Variants in FAM228B observed in about 807,000 individuals in gnomAD.
FAM228B encodes the protein family with sequence similarity 228 member B, also known as protein FAM228B.
FAM228B carries 38 observed loss-of-function variants against 42.6 expected under a neutral mutation model. That is an observed-to-expected ratio of 0.89 (90% CI 0.69 to 1.17). FAM228B has a LOEUF of 1.17. FAM228B is among the 50% of genes most tolerant of loss of function. The pLI is 0.00. For synonymous variants in FAM228B, 109 were observed against 122.3 expected, an observed-to-expected ratio of 0.89 and a Z score of 0.72; for missense variants, 344 against 367.3, an observed-to-expected ratio of 0.94 and a Z score of 0.52.
rs760901867 is a variant in FAM228B, at chr2:24,138,023, A to G, written c.283A>G (p.Lys95Glu). The G allele has an allele frequency of 5.2e-6, 8 of 1,547,684 alleles. No individual in the cohort carries two copies. The South Asian group carries it at 8.5e-5, about 16-fold the overall frequency. Residue 95 changes from lysine (K) to glutamate (E), a missense_variant, in exon 4 of 11, where the codon AAA becomes GAA. Coordinates refer to ENST00000615575, the MANE Select transcript of FAM228B (RefSeq NM_001145710.2). Reference protein sequence around the residue: ...ADPLQKKIIEKVCSHKKIKKR... With the variant: ...ADPLQKKIIEEVCSHKKIKKR... ...TCCTCTTCAGAAGAAAATTATAGAA[A>G]AAGTTTGCTCACATAAGAAGATTAA...
chr2:24,151,186 T>C (rs1309804098), intron 7 of FAM228B, among the ~76,000 whole-genome samples: 1 of 152,170 alleles, frequency 6.6e-6, no homozygotes, highest in Non-Finnish European at 1.5e-5. Flanking sequence ...ACTAATACAT[T>C]TTTCTGTTTG....
In FAM228B at chr2:24,117,269, G is replaced by T. The variant is rs1008113817; in HGVS notation, c.-120-17850G>T. Among the ~76,000 whole-genome samples the T allele has an allele frequency of 2.6e-5, 4 of 151,974 alleles. No homozygotes were observed. In the South Asian group the frequency reaches 8.3e-4, roughly 32 times the overall value. The stretch of plus-strand genomic sequence containing the variant: ...GTCGTCAAATGATCTACCCACCTTG[G>T]CCTCCCAAAGTGGTGGGATTACAGG... On this transcript the variant is annotated intron_variant, in intron 3 of 10. Transcript: ENST00000613899.
chr2:24,082,655 C>T (rs531163418), intron 2 of FAM228B, among the ~76,000 whole-genome samples: 11 of 152,178 alleles, frequency 7.2e-5, no homozygotes, highest in Non-Finnish European at 1.0e-4. Flanking sequence ...GCTGGGCGTC[C>T]GGTGTTAACA....
upstream of FAM228B, chr2:24,122,371 G>T: frequency 2.9e-4 from 350 of 1,198,884 alleles, no homozygotes; most frequent in Non-Finnish European, 3.8e-4. Context: ...TGGAAGAATA[G>T]AAATAATAAG....
chr2:24,147,719 C>T (rs1205452502), intron 7 of FAM228B, among the ~76,000 whole-genome samples: 3 of 152,100 alleles, frequency 2.0e-5, no homozygotes, highest in African/African-American at 7.2e-5. Context: ...TCTAGCATTA[C>T]CATTTGAATT....
chr2:24,108,974 A>T (rs1665745095), intron 3 of FAM228B, among the ~76,000 whole-genome samples: 1 of 151,958 alleles, frequency 6.6e-6, no homozygotes, highest in South Asian at 2.1e-4. Context: ...AGCTAAGGCA[A>T]CCCTAAGCAA....
At chr2:24,082,062 A>G (rs1665032356) in intron 2 of FAM228B, among the ~76,000 whole-genome samples, 2 of 152,178 alleles carry the variant, frequency 1.3e-5, no homozygotes, top group Middle Eastern at 3.4e-3. Flanking sequence ...TGGCATGATC[A>G]TGGCTCACTG....
intron 7 of FAM228B, among the ~76,000 whole-genome samples, chr2:24,155,180 A>G (rs1276250443): frequency 1.3e-5 from 2 of 152,124 alleles, no homozygotes; most frequent in Non-Finnish European, 2.9e-5. Context: ...TTTAACTCTG[A>G]TCATGTAGTA....
chr2:24,098,360 A>C (rs1665543653), intron 3 of FAM228B, among the ~76,000 whole-genome samples: 1 of 152,178 alleles, frequency 6.6e-6, no homozygotes, highest in African/African-American at 2.4e-5. Flanking sequence ...TTTTTTGAAA[A>C]GATCAACAAA....
At chr2:24,089,299 G>T (rs1390955105) in intron 2 of FAM228B, among the ~76,000 whole-genome samples, 1 of 152,046 alleles carries the variant, frequency 6.6e-6, no homozygotes, top group East Asian at 1.9e-4. Flanking sequence ...TGGGAAACAA[G>T]AAATAGCCAA....
upstream of FAM228B, chr2:24,121,369 C>CT: frequency 6.7e-7 from 1 of 1,488,186 alleles, no homozygotes; most frequent in Non-Finnish European, 9.1e-7. Context: ...ATTTAGCCCA[C>CT]TACCTGTTTT....
At chr2:24,139,521 G>A in intron 5 of FAM228B, 71 bp downstream of exon 5, 1 of 858,926 alleles carries the variant, frequency 1.2e-6, no homozygotes, top group Non-Finnish European at 1.9e-6. Context: ...TAATATATGA[G>A]CAGTCCTTAA....
intron 4 of FAM228B, 107 bp downstream of exon 4, chr2:24,138,207 A>G (rs1193149504): frequency 2.5e-6 from 2 of 795,168 alleles, no homozygotes; most frequent in Admixed American, 6.1e-5. Context: ...CTACATATGT[A>G]TCATCTATAC....
At chr2:24,143,380 G>A (rs1363550887) in intron 5 of FAM228B, among the ~76,000 whole-genome samples, 3 of 152,122 alleles carry the variant, frequency 2.0e-5, no homozygotes, top group Non-Finnish European at 2.9e-5. Flanking sequence ...GTTTTCAGTA[G>A]AGATGGGGTT....
chr2:24,161,435 G>T, intron 7 of FAM228B, 71 bp from the exon 8 acceptor site: 1 of 908,328 alleles, frequency 1.1e-6, no homozygotes, highest in South Asian at 1.6e-5. Context: ...CTGAGCAACA[G>T]AGATCTTGTC....
At chr2:24,168,215 A>G (rs946651040) in intron 10 of FAM228B, among the ~76,000 whole-genome samples, 3 of 152,202 alleles carry the variant, frequency 2.0e-5, no homozygotes, top group African/African-American at 7.2e-5. Context: ...TCATCCTCAT[A>G]TAGATGCTAT....
upstream of FAM228B, among the ~76,000 whole-genome samples, chr2:24,122,095 G>A (rs370730625): frequency 3.3e-5 from 5 of 152,172 alleles, no homozygotes; most frequent in African/African-American, 1.2e-4. Context: ...ACTTTGGGAG[G>A]CCGAGGCAGG....
At chr2:24,144,405 G>A (rs10175668) in intron 5 of FAM228B, among the ~76,000 whole-genome samples, 41,782 of 152,142 alleles carry the variant, frequency 0.27, 6,369 homozygotes, top group Non-Finnish European at 0.35. Context: ...CAGCCTGGAC[G>A]ACAGAGCGAG....
At position 24,095,845 on chromosome 2, in the gene FAM228B, C is replaced by T. The variant is rs1439421387; in HGVS notation, c.-121+616C>T. On this transcript the variant is annotated intron_variant, in intron 3 of 10. Transcript: ENST00000613899. This position sits in a 1 kb window ranked among gnomAD's most constrained non-coding sequence, Gnocchi z 4.8. The stretch of plus-strand genomic sequence containing the variant: ...CCCCATGTAGCCTAACTAGGAGATA[C>T]CTCCCAGGAGGGGCCGACAGACACC... 2 of 152,310 alleles carry T rather than the reference C, an allele frequency of 1.3e-5. No homozygotes were observed. Among genetic ancestry groups the T allele is most frequent in the Non-Finnish European group, 2.9e-5 (2 of 68,122 alleles). The allele number at this position is 152,310 out of a possible 1,614,324, so 9.4% of individuals were successfully genotyped here. A position where few individuals can be genotyped will look rare whatever the true frequency, so the allele number is the denominator to read the frequency against.
Sources: allele counts gnomAD v4.1 joint callset (sites outside exome capture counted in the v4.1 genomes callset), GRCh38; gene constraint gnomAD v4.1.1; non-coding constraint Gnocchi (gnomAD v3.1); transcripts MANE v1.5; gene names NCBI Gene and HGNC (gene_info 2026-07-23, HGNC 2026-07-21).